The following KCNIP1 variants were observed in gnomAD, a reference collection of about 807,000 sequenced individuals.
The protein encoded by KCNIP1 is potassium voltage-gated channel interacting protein 1, also known as A-type potassium channel modulatory protein KCNIP1.
A neutral mutation model predicts 33.0 loss-of-function variants in KCNIP1; 18 were observed. The ratio of observed to expected loss-of-function variants is 0.55; its 90% CI spans 0.38 to 0.81. The LOEUF (loss-of-function observed/expected upper bound fraction) is 0.81, where lower values mean the gene tolerates loss of function less well. Among genes scored for constraint, KCNIP1 ranks in the 30% least tolerant of loss-of-function variants. The probability of loss-of-function intolerance (pLI) is 0.00; values close to 1 mark genes in which losing one functional copy is unlikely to be tolerated. For missense variants in KCNIP1, 238 were observed against 271.6 expected, an observed-to-expected ratio of 0.88 and a Z score of 0.87; for synonymous variants, 93 against 98.3, an observed-to-expected ratio of 0.95 and a Z score of 0.32.
intron 1 of KCNIP1, among the ~76,000 whole-genome samples, chr5:170,696,102 C>A (rs2113825772): frequency 6.6e-6 from 1 of 152,038 alleles, no homozygotes; most frequent in South Asian, 2.1e-4. Flanking sequence ...TTTCCTACCA[C>A]TTCTCACCTT....
intron 1 of KCNIP1, among the ~76,000 whole-genome samples, chr5:170,606,132 T>C (rs1382320522): frequency 1.3e-5 from 2 of 152,228 alleles, no homozygotes; most frequent in Non-Finnish European, 2.9e-5. Flanking sequence ...CCACACGGTT[T>C]TGTTTATTCA....
intron 1 of KCNIP1, among the ~76,000 whole-genome samples, chr5:170,456,695 CTCTCTT>C (rs1452677970): frequency 5.5e-5 from 4 of 72,830 alleles, no homozygotes; most frequent in African/African-American, 1.4e-4. Context: ...TTCTCTCTCT[CTCTCTT>C]TTTCTTTCTT....
At chr5:170,697,215 C>G (rs1041943811) in intron 1 of KCNIP1, among the ~76,000 whole-genome samples, 1 of 152,178 alleles carries the variant, frequency 6.6e-6, no homozygotes, top group Non-Finnish European at 1.5e-5. Context: ...CCCCTTTCCC[C>G]TGCCCCCATC....
intron 1 of KCNIP1, among the ~76,000 whole-genome samples, chr5:170,716,170 A>G (rs1416664597): frequency 6.6e-6 from 1 of 152,228 alleles, no homozygotes; most frequent in Non-Finnish European, 1.5e-5. Flanking sequence ...GACAAGTTAA[A>G]TCAGTGCAGT....
Position 170,451,852 on chromosome 5 carries a change from T to C in KCNIP1, c.88+97888T>C, listed in dbSNP as rs138031774. Among the ~76,000 whole-genome samples the C allele has an allele frequency of 3.7e-3, 555 of 151,408 alleles. 3 individuals are homozygous for C. Among genetic ancestry groups the C allele is most frequent in the Non-Finnish European group, 4.7e-3 (316 of 67,900 alleles). On this transcript the variant is annotated intron_variant, in intron 1 of 7. Coordinates refer to the KCNIP1 transcript ENST00000377360. Reference sequence around the variant, plus strand: ...CATCTGGAAAGAGATCAGCTAATATTCCTTGAGAAAAAGAATGTTATCACT... The same window carrying C: ...CATCTGGAAAGAGATCAGCTAATATCCCTTGAGAAAAAGAATGTTATCACT...
chr5:170,591,634 A>G (rs1321374262), intron 1 of KCNIP1, among the ~76,000 whole-genome samples: 1 of 152,078 alleles, frequency 6.6e-6, no homozygotes, highest in Non-Finnish European at 1.5e-5. Flanking sequence ...CCTAGCAACT[A>G]CCATTCTATT....
chr5:170,592,266 A>G (rs1758290430), intron 1 of KCNIP1, among the ~76,000 whole-genome samples: 1 of 152,112 alleles, frequency 6.6e-6, no homozygotes, highest in Non-Finnish European at 1.5e-5. Flanking sequence ...GACCTTTTAT[A>G]TATCTTTCTT....
At chr5:170,684,083 G>C (rs568383462) in intron 1 of KCNIP1, among the ~76,000 whole-genome samples, 1 of 152,266 alleles carries the variant, frequency 6.6e-6, no homozygotes, top group Non-Finnish European at 1.5e-5. Flanking sequence ...TTTTAGAACA[G>C]TATACAGATA....
intron 1 of KCNIP1, among the ~76,000 whole-genome samples, chr5:170,402,445 A>T (rs1475346575): frequency 2.0e-5 from 3 of 152,078 alleles, no homozygotes; most frequent in African/African-American, 7.2e-5. Flanking sequence ...TCCAATATGG[A>T]TGTTCCTGCT....
At chr5:170,443,100 G>T (rs1756030352) in intron 1 of KCNIP1, among the ~76,000 whole-genome samples, 1 of 152,148 alleles carries the variant, frequency 6.6e-6, no homozygotes, top group African/African-American at 2.4e-5. Flanking sequence ...GTCAGAGAGG[G>T]TCTAAAGCAG....
chr5:170,418,919 C>A (rs1755404806), intron 1 of KCNIP1, among the ~76,000 whole-genome samples: 1 of 152,204 alleles, frequency 6.6e-6, no homozygotes, highest in Non-Finnish European at 1.5e-5. Flanking sequence ...ATTTACATTT[C>A]TTTTCTGGAA....
intron 1 of KCNIP1, chr5:170,377,109 C>G (rs1383347016): frequency 1.3e-5 from 2 of 152,250 alleles, no homozygotes. Context: ...AGACACCAGC[C>G]TAACTTCACA....
chr5:170,569,734 G>A (rs987441879), intron 1 of KCNIP1, among the ~76,000 whole-genome samples: 3 of 152,120 alleles, frequency 2.0e-5, no homozygotes, highest in Non-Finnish European at 1.5e-5. Flanking sequence ...ACAGAACGAA[G>A]CCCTGTCTCT....
At chr5:170,414,965 T>C (rs1481220714) in intron 1 of KCNIP1, among the ~76,000 whole-genome samples, 1 of 152,216 alleles carries the variant, frequency 6.6e-6, no homozygotes, top group Non-Finnish European at 1.5e-5. Context: ...ATGCCCAGCA[T>C]GTAGTAGGTG....
chr5:170,468,921 C>T (rs1479680383), intron 1 of KCNIP1, among the ~76,000 whole-genome samples: 3 of 151,730 alleles, frequency 2.0e-5, no homozygotes, highest in Non-Finnish European at 4.4e-5. Context: ...AAAAATCAAC[C>T]AGTATGTAAG....
At chr5:170,449,085 C>G (rs1483697812) in intron 1 of KCNIP1, among the ~76,000 whole-genome samples, 1 of 152,182 alleles carries the variant, frequency 6.6e-6, no homozygotes, top group South Asian at 2.1e-4. Flanking sequence ...AAATGAGACA[C>G]TAGCCCTCTC....
chr5:170,568,076 C>T (rs1477206395), intron 1 of KCNIP1, among the ~76,000 whole-genome samples: 1 of 152,186 alleles, frequency 6.6e-6, no homozygotes, highest in Admixed American at 6.5e-5. Flanking sequence ...AGCTCAGTTT[C>T]CTCACCTATA....
chr5:170,712,022 G>C (rs573474291), intron 1 of KCNIP1, among the ~76,000 whole-genome samples: 5 of 152,260 alleles, frequency 3.3e-5, no homozygotes, highest in African/African-American at 9.6e-5. Flanking sequence ...GTTCAAATAA[G>C]AGCCTACAGA....
chr5:170,553,674 G>T (rs530625388), intron 1 of KCNIP1, among the ~76,000 whole-genome samples: 1 of 152,350 alleles, frequency 6.6e-6, no homozygotes, highest in Admixed American at 6.5e-5. Flanking sequence ...CAGAGGAAGG[G>T]CTGGCCTTTC....
Sources: gnomAD v4.1 joint callset for allele counts (sites outside exome capture counted in the v4.1 genomes callset) on GRCh38, gnomAD v4.1.1 for gene constraint, MANE v1.5 for transcripts, NCBI Gene and HGNC (gene_info 2026-07-23, HGNC 2026-07-21) for gene names.